ENOX1: variants seen among roughly 807,000 people sequenced by gnomAD.
The protein encoded by ENOX1 is candidate growth-related and time keeping constitutive hydroquinone (NADH) oxidase.
Under a neutral mutation model 82.5 loss-of-function variants are expected in ENOX1, and 42 were observed. The ratio of observed to expected loss-of-function variants is 0.51; its 90% CI spans 0.40 to 0.66. ENOX1 has a LOEUF of 0.66. Among genes scored for constraint, ENOX1 ranks in the 30% least tolerant of loss-of-function variants. The probability of loss-of-function intolerance (pLI) is 0.00; values close to 1 mark genes in which losing one functional copy is unlikely to be tolerated. For missense variants in ENOX1, 608 were observed against 811.6 expected (o/e 0.75, Z 3.05); for synonymous variants, 271 against 282.2 (o/e 0.96, Z 0.40).
At chr13:43,464,582 T>C (rs893125619) in intron 3 of ENOX1, among the ~76,000 whole-genome samples, 1 of 152,160 alleles carries the variant, frequency 6.6e-6, no homozygotes, top group African/African-American at 2.4e-5. Flanking sequence ...TTTTTGACAA[T>C]TTTTTATACT....
In ENOX1 at chr13:43,415,874, G is replaced by A. The variant is rs112103744; in HGVS notation, c.-74-2886C>T. ...TCCCCACTTCCCAGACGGGGCGGCCGGGCAGAGATGCTCCCCACTTCCCAG... is the reference window on the plus strand; with the variant it reads ...TCCCCACTTCCCAGACGGGGCGGCCAGGCAGAGATGCTCCCCACTTCCCAG... On this transcript the variant is annotated intron_variant, in intron 3 of 16. Transcript: ENST00000690772. Among the ~76,000 whole-genome samples, 648 of 134,484 alleles carry A rather than the reference G, an allele frequency of 4.8e-3. 2 individuals carry two copies. The highest frequency in any genetic ancestry group is 0.017 in the African/African-American group (606 of 35,892). The allele number at this position is 134,484 out of a possible 152,430, so 88.2% of individuals were successfully genotyped here.
At chr13:43,514,161 T>C (rs189476809) in intron 2 of ENOX1, among the ~76,000 whole-genome samples, 1 of 152,308 alleles carries the variant, frequency 6.6e-6, no homozygotes, top group Admixed American at 6.5e-5. Context: ...TTTCTTTTTG[T>C]TGGATTCTAT....
intron 3 of ENOX1, among the ~76,000 whole-genome samples, chr13:43,431,738 A>C (rs1489715112): frequency 6.6e-6 from 1 of 152,164 alleles, no homozygotes; most frequent in Non-Finnish European, 1.5e-5. Context: ...ATTAATCATT[A>C]CTGTTTGATT....
At chr13:43,616,186 CTA>C (rs1566642256) in intron 2 of ENOX1, among the ~76,000 whole-genome samples, 1,571 of 6,972 alleles carry the variant, frequency 0.23, 420 homozygotes, top group African/African-American at 0.27. Flanking sequence ...ATCTATCTAT[CTA>C]TATATATATA....
intron 12 of ENOX1, among the ~76,000 whole-genome samples, chr13:43,291,226 T>TG (rs2045981301): frequency 6.6e-6 from 1 of 152,212 alleles, no homozygotes; most frequent in South Asian, 2.1e-4. Context: ...CCCTCACTAC[T>TG]TCTGCACATC....
intron 11 of ENOX1, among the ~76,000 whole-genome samples, chr13:43,300,333 T>C (rs1413646275): frequency 1.3e-5 from 2 of 152,138 alleles, no homozygotes; most frequent in South Asian, 4.1e-4. Flanking sequence ...ATGTCTGGAA[T>C]ACAGCAGACA....
rs149564094 is a variant in ENOX1 at position 43,361,328 on chromosome 13, G to C, written c.333C>G (p.Val111=). 34 of 1,613,872 alleles carry C rather than the reference G, an allele frequency of 2.1e-5. No homozygotes were observed. The highest frequency in any genetic ancestry group is 2.8e-5 in the Non-Finnish European group (33 of 1,179,968). The change falls in exon 6 of 17, where the codon GTC becomes GTG. Residue 111 remains valine, a synonymous_variant. Transcript: ENST00000690772. ...AGCTTTTGCAGTGGATTATTTCTTT[G>C]ACAACAGCCACTTCTGTTGGTGGTG... The part of the protein sequence containing the change: ...PPPPPTEVAV[V]KEIIHCKSCT...
intron 3 of ENOX1, among the ~76,000 whole-genome samples, chr13:43,445,337 A>G (rs1442787221): frequency 6.6e-6 from 1 of 151,848 alleles, no homozygotes; most frequent in South Asian, 2.1e-4. Flanking sequence ...GTTAGCCAGG[A>G]TGGTCTTGAT....
At chr13:43,438,532 C>G (rs138965881) in intron 3 of ENOX1, among the ~76,000 whole-genome samples, 1 of 152,212 alleles carries the variant, frequency 6.6e-6, no homozygotes, top group Non-Finnish European at 1.5e-5. Flanking sequence ...CACAAGAACA[C>G]TTAAAGGATT....
intron 14 of ENOX1, among the ~76,000 whole-genome samples, chr13:43,250,564 ATTTTC>A (rs1422745765): frequency 6.6e-6 from 1 of 152,140 alleles, no homozygotes; most frequent in Non-Finnish European, 1.5e-5. Flanking sequence ...CTAATGATGT[ATTTTC>A]TTTTGGGGGC....
chr13:43,645,658 G>A (rs2083865207), intron 2 of ENOX1, among the ~76,000 whole-genome samples: 2 of 152,112 alleles, frequency 1.3e-5, no homozygotes, highest in South Asian at 4.1e-4. Context: ...TGGAAATTGA[G>A]TATTTAAGCA....
At chr13:43,651,705 A>AAAAAAAAAAAAAAAAAAAAT in intron 2 of ENOX1, among the ~76,000 whole-genome samples, 1 of 145,084 alleles carries the variant, frequency 6.9e-6, no homozygotes, top group Non-Finnish European at 1.5e-5. Flanking sequence ...TAAAAAAAAA[A>AAAAAAAAAAAAAAAAAAAAT]ATCACACCTA....
intron 2 of ENOX1, among the ~76,000 whole-genome samples, chr13:43,485,630 T>C (rs2076386754): frequency 6.6e-6 from 1 of 152,186 alleles, no homozygotes; most frequent in Non-Finnish European, 1.5e-5. Flanking sequence ...CTAGTTTATC[T>C]TTGCATGACA....
chr13:43,670,003 C>T (rs1239014322), intron 1 of ENOX1, among the ~76,000 whole-genome samples: 2 of 152,124 alleles, frequency 1.3e-5, no homozygotes, highest in African/African-American at 4.8e-5. Context: ...ACCAACTCTT[C>T]TGTTACTCTT....
chr13:43,695,653 G>T (rs1378987192), intron 1 of ENOX1, among the ~76,000 whole-genome samples: 3 of 152,004 alleles, frequency 2.0e-5, no homozygotes, highest in Non-Finnish European at 4.4e-5. Context: ...TCGCCATGTT[G>T]GCCAGGCTAG....
At chr13:43,430,540 A>G (rs1228713928) in intron 3 of ENOX1, among the ~76,000 whole-genome samples, 1 of 152,126 alleles carries the variant, frequency 6.6e-6, no homozygotes, top group African/African-American at 2.4e-5. Context: ...CAGAACTGGC[A>G]GTGGGAAAAG....
rs375702360 is a variant in ENOX1, at chr13:43,470,396, A to ATG, written c.-75+13611_-75+13612dup. 3.1e-4 allele frequency among the ~76,000 whole-genome samples: 31 copies of ATG among 99,962 alleles called. 1 individual carries two copies. Among genetic ancestry groups the ATG allele is most frequent in the South Asian group, 6.0e-4 (2 of 3,342 alleles). The allele number at this position is 99,962 out of a possible 152,430, so 65.6% of individuals were successfully genotyped here. A position where few individuals can be genotyped will look rare whatever the true frequency, so the allele number is the denominator to read the frequency against. On this transcript the variant is annotated intron_variant, in intron 3 of 16. Transcript: ENST00000690772. ...TATATACATATATATACGTATATATATGTGTATATATATATATATATAACA... is the reference window on the plus strand; with the variant it reads ...TATATACATATATATACGTATATATATGTGTGTATATATATATATATATAACA...
chr13:43,584,204 C>T (rs986423117), intron 2 of ENOX1, among the ~76,000 whole-genome samples: 7 of 152,104 alleles, frequency 4.6e-5, no homozygotes, highest in East Asian at 1.9e-4. Flanking sequence ...ATTCCAGGCA[C>T]GGAGGTGGGA....
intron 15 of ENOX1, among the ~76,000 whole-genome samples, chr13:43,235,732 A>C (rs2042513312): frequency 9.8e-6 from 1 of 102,380 alleles, no homozygotes; most frequent in South Asian, 2.6e-4. Flanking sequence ...ACCCTGTCTC[A>C]AAAAAAAAAA....
Sources: gnomAD v4.1 joint callset for allele counts (sites outside exome capture counted in the v4.1 genomes callset) on GRCh38, gnomAD v4.1.1 for gene constraint, MANE v1.5 for transcripts, NCBI Gene and HGNC (gene_info 2026-07-23, HGNC 2026-07-21) for gene names.